ERP44: variants seen among roughly 807,000 people sequenced by gnomAD.
ERP44 encodes the protein endoplasmic reticulum protein 44.
In ERP44, 25 loss-of-function variants were observed where a neutral mutation model predicts 53.4. That is an observed-to-expected ratio of 0.47 (90% CI 0.34 to 0.65). The LOEUF is 0.65. Ranked by LOEUF, ERP44 falls within the 30% of genes least tolerant of loss-of-function variation. The pLI is 0.01. For missense variants in ERP44, 338 were observed against 493.2 expected, an observed-to-expected ratio of 0.69 and a Z score of 2.98; for synonymous variants, 145 against 161.2, an observed-to-expected ratio of 0.90 and a Z score of 0.76.
At chr9:100,010,250 A>G (rs2118637476) in intron 8 of ERP44, among the ~76,000 whole-genome samples, 1 of 152,378 alleles carries the variant, frequency 6.6e-6, no homozygotes, top group Non-Finnish European at 1.5e-5. Flanking sequence ...AAGATTAAGG[A>G]GAAGAATATC....
At position 99,987,361 on chromosome 9, in the gene ERP44, T is replaced by C. The variant is rs959297853; in HGVS notation, c.1017-2292A>G. Among the ~76,000 whole-genome samples the C allele has an allele frequency of 5.9e-5, 9 of 152,194 alleles. No homozygotes were observed. The East Asian group carries it at 1.7e-3, about 29-fold the overall frequency. On this transcript the variant is annotated intron_variant, in intron 10 of 11. Transcript: ENST00000262455. ...TTGCCATAATAAATAAAATTATATA[T>C]ATCACGCTTTAGGGCAAAATTGTTC... is the stretch of plus-strand genomic sequence containing the variant.
chr9:100,068,708 G>T (rs1432078194), intron 1 of ERP44, among the ~76,000 whole-genome samples: 2 of 149,694 alleles, frequency 1.3e-5, no homozygotes, highest in Non-Finnish European at 3.0e-5. Context: ...CCGTCCGGGA[G>T]GTGAGGGGCG....
chr9:99,992,129 T>C (rs1830262920), intron 10 of ERP44, among the ~76,000 whole-genome samples: 1 of 152,020 alleles, frequency 6.6e-6, no homozygotes, highest in Non-Finnish European at 1.5e-5. Context: ...ACTATTCCAA[T>C]CAATAGAAAA....
intron 10 of ERP44, among the ~76,000 whole-genome samples, chr9:99,994,507 T>C (rs951219468): frequency 6.6e-6 from 1 of 151,660 alleles, no homozygotes; most frequent in Non-Finnish European, 1.5e-5. Context: ...TGGTGTGGGG[T>C]GAGGGGAGCG....
Position 100,098,969 on chromosome 9 carries a change from G to A in ERP44, c.-129C>T. ...AGGATTCTCCAGGCAGCGGCACCTC[G>A]TCCTCTCGACCCGGGCTCCAGCGGC... On this transcript the variant is annotated 5_prime_UTR_variant, in exon 1 of 12. In the 5' UTR this introduces an upstream ATG that the reference lacks. Transcript: ENST00000262455. 1.4e-6 allele frequency: 1 copy of A among 702,812 alleles called. No homozygotes were observed. Among genetic ancestry groups the A allele is most frequent in the South Asian group, 1.7e-5 (1 of 59,476 alleles). 43.5% of individuals were successfully genotyped at this position (702,812 alleles called of 1,614,324 possible).
rs571668671 is a variant in ERP44, at chr9:100,000,947, ATCTT to A, written c.1016+5555_1016+5558del. Among the ~76,000 whole-genome samples the A allele has an allele frequency of 4.6e-5, 7 of 151,566 alleles. No homozygotes were observed. The South Asian group carries it at 1.5e-3, about 32-fold the overall frequency. On this transcript the variant is annotated intron_variant, in intron 10 of 11. Coordinates refer to ENST00000262455, the MANE Select transcript of ERP44 (RefSeq NM_015051.3). ...CCTTGAGATGTAATGTTAGGTTGAG[ATCTT>A]TCTTGTTTTCTGATGTAGGTGTTTC...
chr9:100,085,516 C>T (rs191299145), intron 1 of ERP44, among the ~76,000 whole-genome samples: 19 of 152,344 alleles, frequency 1.2e-4, no homozygotes, highest in Admixed American at 1.1e-3. Flanking sequence ...CCCATGGAAG[C>T]AATATTCCAG....
chr9:99,994,953 G>A (rs1031485914), intron 10 of ERP44, among the ~76,000 whole-genome samples: 1 of 152,024 alleles, frequency 6.6e-6, no homozygotes, highest in African/African-American at 2.4e-5. Context: ...TGACTGTATC[G>A]AGTGTTGTAA....
intron 1 of ERP44, among the ~76,000 whole-genome samples, chr9:100,082,609 A>G (rs1027902116): frequency 6.6e-6 from 1 of 152,076 alleles, no homozygotes; most frequent in Non-Finnish European, 1.5e-5. Flanking sequence ...ATGCATGCTC[A>G]GGACCCACAA....
chr9:100,096,755 G>C (rs1373210655), intron 1 of ERP44, among the ~76,000 whole-genome samples: 1 of 152,142 alleles, frequency 6.6e-6, no homozygotes, highest in Admixed American at 6.5e-5. Context: ...TTATCTGTAT[G>C]TAAGAAGGAA....
intron 10 of ERP44, among the ~76,000 whole-genome samples, chr9:99,989,700 C>T (rs1406831452): frequency 2.0e-5 from 3 of 152,146 alleles, no homozygotes; most frequent in African/African-American, 7.2e-5. Context: ...CAGAAGTAGG[C>T]TTCAGAAGGT....
intron 8 of ERP44, among the ~76,000 whole-genome samples, chr9:100,014,420 G>C (rs901926319): frequency 6.6e-6 from 1 of 152,120 alleles, no homozygotes; most frequent in Non-Finnish European, 1.5e-5. Context: ...GAGTAGCTGG[G>C]ATTACAGGCG....
chr9:100,067,626 T>C (rs1035695092), intron 1 of ERP44, among the ~76,000 whole-genome samples: 4 of 152,022 alleles, frequency 2.6e-5, no homozygotes, highest in African/African-American at 9.7e-5. Flanking sequence ...GTCTGGGAAG[T>C]GAGGAGCGTC....
chr9:100,068,818 T>A (rs1015018558), intron 1 of ERP44, among the ~76,000 whole-genome samples: 2 of 152,186 alleles, frequency 1.3e-5, no homozygotes, highest in Admixed American at 1.3e-4. Context: ...GAACGGGCCA[T>A]GATGACAATG....
At chr9:100,096,428 A>G (rs578157954) in intron 1 of ERP44, among the ~76,000 whole-genome samples, 1 of 152,022 alleles carries the variant, frequency 6.6e-6, no homozygotes, top group South Asian at 2.1e-4. Context: ...ATATACATAT[A>G]AAAGCTCAGG....
At chr9:100,025,000 T>C (rs2118661332) in intron 4 of ERP44, among the ~76,000 whole-genome samples, 1 of 152,290 alleles carries the variant, frequency 6.6e-6, no homozygotes, top group African/African-American at 2.4e-5. Flanking sequence ...CAGTGACACA[T>C]GCCCATAGCC....
At chr9:100,054,673 GTA>G (rs1392939164) in intron 3 of ERP44, among the ~76,000 whole-genome samples, 1 of 152,154 alleles carries the variant, frequency 6.6e-6, no homozygotes, top group East Asian at 1.9e-4. Flanking sequence ...GAACCAGTAA[GTA>G]TAAGGCAAAC....
At chr9:100,063,092 A>AAAAAAAG (rs773290883) in intron 1 of ERP44, among the ~76,000 whole-genome samples, 1 of 145,238 alleles carries the variant, frequency 6.9e-6, no homozygotes, top group Non-Finnish European at 1.5e-5. Context: ...AAAAAAAAAA[A>AAAAAAAG]AGAGAGAGAG....
At chr9:100,055,254 C>T (rs1387741093) in intron 3 of ERP44, among the ~76,000 whole-genome samples, 1 of 152,014 alleles carries the variant, frequency 6.6e-6, no homozygotes, top group Non-Finnish European at 1.5e-5. Context: ...GATGACTAAA[C>T]AGAAATGTAT....
Sources: allele counts gnomAD v4.1 joint callset (sites outside exome capture counted in the v4.1 genomes callset), GRCh38; gene constraint gnomAD v4.1.1; transcripts MANE v1.5; gene names NCBI Gene and HGNC (gene_info 2026-07-23, HGNC 2026-07-21).